FNDC3A: variants seen among roughly 807,000 people sequenced by gnomAD.
FNDC3A encodes the protein fibronectin type III domain containing 3A, also known as fibronectin type-III domain-containing protein 3A.
In FNDC3A, 32 loss-of-function variants were observed where a neutral mutation model predicts 148.9. The observed-to-expected ratio is 0.21, with a 90% CI of 0.16 to 0.29. The LOEUF (loss-of-function observed/expected upper bound fraction) is 0.29. FNDC3A is among the 10% of genes least tolerant of loss of function. The pLI is 1.00. For missense variants in FNDC3A, 1,191 were observed against 1,452.8 expected (o/e 0.82, Z 2.93); for synonymous variants, 472 against 473.6 (o/e 1.00, Z 0.04).
intron 2 of FNDC3A, among the ~76,000 whole-genome samples, chr13:49,054,534 A>G (rs565377257): frequency 6.6e-6 from 1 of 152,224 alleles, no homozygotes; most frequent in East Asian, 1.9e-4. Context: ...TACCCAAACC[A>G]CCTTGGGCAC....
chr13:49,066,675 T>C (rs1877284495), intron 2 of FNDC3A, among the ~76,000 whole-genome samples: 1 of 145,202 alleles, frequency 6.9e-6, no homozygotes. Flanking sequence ...GCTTATATTC[T>C]TTTTTTTTTT....
chr13:49,080,108 T>A (rs552180032), intron 3 of FNDC3A, among the ~76,000 whole-genome samples: 2 of 152,288 alleles, frequency 1.3e-5, no homozygotes, highest in South Asian at 4.1e-4. Context: ...AATATTTGTT[T>A]CAAAAAATAC....
chr13:49,099,300 A>G (rs1243411743), intron 3 of FNDC3A, among the ~76,000 whole-genome samples: 1 of 152,132 alleles, frequency 6.6e-6, no homozygotes, highest in Non-Finnish European at 1.5e-5. Context: ...TAAATCTTAG[A>G]CAACCCAAAA....
At chr13:49,187,043 T>G in intron 15 of FNDC3A, 79 bp from the exon 16 acceptor site, 1 of 992,602 alleles carries the variant, frequency 1.0e-6, no homozygotes, top group Non-Finnish European at 1.5e-6. Flanking sequence ...CCTAGTTTGG[T>G]ATTCTGTTTA....
intron 1 of FNDC3A, among the ~76,000 whole-genome samples, chr13:48,985,877 T>C (rs191198410): frequency 4.6e-4 from 70 of 152,318 alleles, no homozygotes; most frequent in Admixed American, 4.2e-3. Flanking sequence ...CTTTGTGATA[T>C]AACAAACATA....
chr13:49,083,718 C>T (rs997076127), intron 3 of FNDC3A, among the ~76,000 whole-genome samples: 8 of 152,156 alleles, frequency 5.3e-5, no homozygotes, highest in East Asian at 1.9e-4. Flanking sequence ...CCACCATGCC[C>T]GGCTAAGGAA....
intron 3 of FNDC3A, among the ~76,000 whole-genome samples, chr13:49,089,179 A>C (rs1879026826): frequency 1.3e-5 from 2 of 152,208 alleles, no homozygotes. Flanking sequence ...ATGTGTTAAA[A>C]TGGCAAGTTT....
intron 2 of FNDC3A, among the ~76,000 whole-genome samples, chr13:49,029,603 A>G (rs1166288971): frequency 6.6e-6 from 1 of 152,224 alleles, no homozygotes; most frequent in African/African-American, 2.4e-5. Context: ...AGAAAAATAT[A>G]GAAAATCAAA....
intron 2 of FNDC3A, among the ~76,000 whole-genome samples, chr13:49,023,483 A>G (rs959740019): frequency 6.6e-6 from 1 of 151,648 alleles, no homozygotes; most frequent in Non-Finnish European, 1.5e-5. Flanking sequence ...CTGTTATGAA[A>G]GAGAATCATC....
At chr13:49,185,115 A>G (rs745862507) in intron 14 of FNDC3A, among the ~76,000 whole-genome samples, 1 of 126,858 alleles carries the variant, frequency 7.9e-6, no homozygotes, top group Non-Finnish European at 1.8e-5. Flanking sequence ...AGAAAAAATC[A>G]TGGTTTGATA....
At chr13:49,202,712 C>T (rs539634285) in intron 24 of FNDC3A, among the ~76,000 whole-genome samples, 134 of 152,272 alleles carry the variant, frequency 8.8e-4, no homozygotes, top group Non-Finnish European at 1.6e-3. Context: ...AAGAAGAGTG[C>T]TGACTATAAG....
intron 4 of FNDC3A, among the ~76,000 whole-genome samples, chr13:49,119,494 G>A (rs1356637236): frequency 2.6e-5 from 4 of 151,982 alleles, no homozygotes; most frequent in African/African-American, 9.7e-5. Context: ...TGAGTTTGAC[G>A]AATTGACAGA....
chr13:49,182,808 G>A (rs1386416784), intron 14 of FNDC3A, among the ~76,000 whole-genome samples: 1 of 151,970 alleles, frequency 6.6e-6, no homozygotes, highest in Admixed American at 6.6e-5. Flanking sequence ...CTTATCTGGT[G>A]TCACTTCTGC....
chr13:49,124,611 T>A (rs1881577021), intron 4 of FNDC3A, among the ~76,000 whole-genome samples: 1 of 152,188 alleles, frequency 6.6e-6, no homozygotes, highest in South Asian at 2.1e-4. Flanking sequence ...TTCTGGGGCC[T>A]GCTTGGTCCT....
intron 17 of FNDC3A, among the ~76,000 whole-genome samples, chr13:49,190,766 T>A (rs1310010984): frequency 6.6e-6 from 1 of 152,224 alleles, no homozygotes; most frequent in African/African-American, 2.4e-5. Flanking sequence ...TTGAAGTTCT[T>A]TTTCAGTAAC....
chr13:49,107,628 T>G (rs1880279797), intron 3 of FNDC3A, among the ~76,000 whole-genome samples: 1 of 152,128 alleles, frequency 6.6e-6, no homozygotes, highest in African/African-American at 2.4e-5. Context: ...TAATATTGAG[T>G]TCAGTTCCAT....
intron 2 of FNDC3A, among the ~76,000 whole-genome samples, chr13:49,069,401 T>C (rs960032233): frequency 4.6e-5 from 7 of 152,132 alleles, no homozygotes; most frequent in South Asian, 2.1e-4. Flanking sequence ...CTTACTATAT[T>C]TCTCACCCTT....
At chr13:49,049,341 T>G (rs1219460098) in intron 2 of FNDC3A, among the ~76,000 whole-genome samples, 1 of 152,198 alleles carries the variant, frequency 6.6e-6, no homozygotes, top group South Asian at 2.1e-4. Flanking sequence ...TTCAGGAGGA[T>G]TCCCCCTTTC....
chr13:49,177,969 C>T (rs764057293), intron 13 of FNDC3A, among the ~76,000 whole-genome samples: 30 of 152,022 alleles, frequency 2.0e-4, no homozygotes, highest in Non-Finnish European at 4.3e-4. Flanking sequence ...ACACTATAAG[C>T]CATTAGATTT....
Sources: gnomAD v4.1 joint callset for allele counts (sites outside exome capture counted in the v4.1 genomes callset) on GRCh38, gnomAD v4.1.1 for gene constraint, MANE v1.5 for transcripts, NCBI Gene and HGNC (gene_info 2026-07-23, HGNC 2026-07-21) for gene names.